Variants in PROM2 observed in about 807,000 individuals in gnomAD.
PROM2 encodes the protein prominin 2, also known as prominin-2.
Under a neutral mutation model 110.2 loss-of-function variants are expected in PROM2, and 90 were observed. The observed-to-expected ratio is 0.82, with a 90% CI of 0.69 to 0.97. The LOEUF (loss-of-function observed/expected upper bound fraction) is 0.97, where lower values mean the gene tolerates loss of function less well. PROM2 is among the 50% of genes least tolerant of loss of function. The pLI is 0.00. For missense variants in PROM2, 1,009 were observed against 1,074.8 expected (o/e 0.94, Z 0.86); for synonymous variants, 470 against 467.8 (o/e 1.00, Z -0.06).
rs201517106 is a variant in PROM2, at chr2:95,288,973, C to T, written c.2482C>T (p.Arg828Trp). The T allele has an allele frequency of 1.6e-5, 25 of 1,609,058 alleles. No homozygotes were observed. In the East Asian group the frequency reaches 1.6e-4, roughly 10 times the overall value. Reference protein sequence around the residue: ...SEETQLFHIPRVTSLKL With the variant: ...SEETQLFHIPWVTSLKL ...GGAGACTCAGCTCTTCCACATCCCCCGGGTTACCTCCCTGAAGCTGTAGGG... is the reference window on the plus strand; with the variant it reads ...GGAGACTCAGCTCTTCCACATCCCCTGGGTTACCTCCCTGAAGCTGTAGGG... Residue 828 changes from arginine (R) to tryptophan (W), a missense_variant, in exon 23 of 24, where the codon CGG becomes TGG. Coordinates refer to ENST00000317620, the MANE Select transcript of PROM2 (RefSeq NM_001165978.3).
rs1573463805 is a variant in PROM2 at position 95,287,537 on chromosome 2, C to T, written c.2244+73C>T. The T allele has an allele frequency of 2.7e-6, 4 of 1,499,746 alleles. No individual in the cohort carries two copies. The South Asian group carries it at 3.5e-5, about 13-fold the overall frequency. 92.9% of individuals were successfully genotyped at this position (1,499,746 alleles called of 1,614,324 possible). On this transcript the variant is annotated intron_variant, in intron 20 of 23. Coordinates refer to ENST00000317620, the MANE Select transcript of PROM2 (RefSeq NM_001165978.3). ...CAGCTGTTCACCCTGCTCTGCCCCG[C>T]CCCCGCCCCCGGAGCCCCTTGGGGG...
At chr2:95,284,591 C>T (rs1328319174) in intron 14 of PROM2, among the ~76,000 whole-genome samples, 2 of 152,192 alleles carry the variant, frequency 1.3e-5, no homozygotes, top group Non-Finnish European at 2.9e-5. Flanking sequence ...CACCGGCAGC[C>T]GTTTCTGGGG....
chr2:95,288,341 G>A (rs761232980), intron 21 of PROM2, 41 bp downstream of exon 21: 34 of 1,609,060 alleles, frequency 2.1e-5, no homozygotes, highest in East Asian at 4.5e-5. Context: ...ACCAAGTCCC[G>A]GAGCCTTCCT....
At position 95,285,675 on chromosome 2, in the gene PROM2, C is replaced by G; in HGVS notation, c.1912C>G (p.Leu638Val). Residue 638 changes from leucine (L) to valine (V), a missense_variant, in exon 16 of 24, where the codon CTG becomes GTG. Coordinates refer to ENST00000317620, the MANE Select transcript of PROM2 (RefSeq NM_001165978.3). ...CGTGGTGAAGACCAGCATGGAGCAG[C>G]TGGCCCAGGAGCTGCAAGGACTGGC... ...RPVVKTSMEQ[L>V]AQELQGLAQA... 2 of 1,604,802 alleles carry G rather than the reference C, an allele frequency of 1.2e-6. No homozygotes were observed. The highest frequency in any genetic ancestry group is 1.7e-6 in the Non-Finnish European group (2 of 1,175,464).
At position 95,288,915 on chromosome 2, in the gene PROM2, CTG is replaced by C; in HGVS notation, c.2442-16_2442-15del. On this transcript the variant is annotated splice_polypyrimidine_tract_variant and intron_variant, in intron 22 of 23. Transcript: ENST00000317620. ...CTGGGGGGAAGGGTATGCTCACTCT[CTG>C]TCTTTGACACTGCAGCTCCACCAGC... 6.2e-7 allele frequency: 1 copy of C among 1,612,970 alleles called. No homozygotes were observed. The highest frequency in any genetic ancestry group is 1.1e-5 in the South Asian group (1 of 91,048).
chr2:95,279,984 C>G lies in PROM2; in HGVS notation c.1414C>G (p.Arg472Gly), dbSNP rs761599343. 16 of 1,461,742 alleles carry G rather than the reference C, an allele frequency of 1.1e-5. No individual in the cohort carries two copies. The highest frequency in any genetic ancestry group is 1.3e-5 in the Non-Finnish European group (14 of 1,102,314). 90.5% of individuals were successfully genotyped at this position (1,461,742 alleles called of 1,614,324 possible). ...AGAAGCCAAGGGCGAGGCTGGAGCC[C>G]GCTTCCTCATGGCGTAAGAAAGGGC... ...HPEAKGEAGA[R>G]FLMAGVGLSF... The change falls in exon 11 of 24, where the codon CGC becomes GGC. Residue 472 changes from arginine (R) to glycine (G), a missense_variant. Arg to Gly is a moderately radical substitution (Grantham distance 125, BLOSUM62 -2). Transcript: ENST00000317620.
At chr2:95,288,646 C>A in intron 22 of PROM2, 57 bp downstream of exon 22, 1 of 1,451,464 alleles carries the variant, frequency 6.9e-7, no homozygotes, top group Non-Finnish European at 9.6e-7. Context: ...GTCCTTTCAG[C>A]CGCCAGGGTC....
At position 95,275,524 on chromosome 2, in the gene PROM2, G is replaced by T; in HGVS notation, c.294+14G>T. 1 of 1,613,694 alleles carries T rather than the reference G, an allele frequency of 6.2e-7. No homozygotes were observed. Among genetic ancestry groups the T allele is most frequent in the Non-Finnish European group, 8.5e-7 (1 of 1,179,796 alleles). Reference sequence around the variant, plus strand: ...AAGGTGAATGAGGTGAGCAAGCTGGGGAAAGGTGCTGGGGGAGGGAGTTCT... The same window carrying T: ...AAGGTGAATGAGGTGAGCAAGCTGGTGAAAGGTGCTGGGGGAGGGAGTTCT... On this transcript the variant is annotated intron_variant, in intron 2 of 23. Transcript: ENST00000317620. This position sits in a 1 kb window ranked among gnomAD's most constrained non-coding sequence, Gnocchi z 4.4.
intron 22 of PROM2, 44 bp from the exon 23 acceptor site, chr2:95,288,889 T>C (rs1212707319): frequency 6.3e-7 from 1 of 1,582,382 alleles, no homozygotes; most frequent in South Asian, 1.1e-5. Context: ...GGGCTGAGGG[T>C]CTGGGGGGAA....
chr2:95,274,852 A>T, intron 1 of PROM2, 23 bp downstream of exon 1: 1 of 1,510,948 alleles, frequency 6.6e-7, no homozygotes, highest in Admixed American at 2.0e-5. Flanking sequence ...CTCCCCCATG[A>T]GGGCCTCAGC....
Position 95,279,018 on chromosome 2 carries a change from G to C in PROM2, c.1148G>C (p.Gly383Ala). The C allele has an allele frequency of 1.2e-6, 2 of 1,611,234 alleles. No homozygotes were observed. Among genetic ancestry groups the C allele is most frequent in the Non-Finnish European group, 1.7e-6 (2 of 1,178,682 alleles). The change falls in exon 10 of 24, where the codon GGG becomes GCG. Residue 383 changes from glycine to alanine, a missense_variant. Gly to Ala is a moderately conservative substitution (Grantham distance 60). Coordinates refer to ENST00000317620, the MANE Select transcript of PROM2 (RefSeq NM_001165978.3). ...LKKAVAQQPE[G>A]VRTLAEGFPG... is the part of the protein sequence containing the mutation. ...AAGGCAGTGGCCCAGCAGCCGGAAG[G>C]GGTGAGGACACTGGCTGAAGGGTTC...
At chr2:95,277,688 G>T (rs1676757292) in intron 7 of PROM2, 122 bp downstream of exon 7, 1 of 1,021,702 alleles carries the variant, frequency 9.8e-7, no homozygotes, top group Non-Finnish European at 1.4e-6. Context: ...CCCACCCAGG[G>T]TTAATGCGGG....
In PROM2 at chr2:95,279,003, C is replaced by T. The variant is rs1406119490; in HGVS notation, c.1133C>T (p.Ala378Val). ...TGGGCAGAGCTGAAGAAGGCAGTGG[C>T]CCAGCAGCCGGAAGGGGTGAGGACA... ...SVVQELKKAVAQQPEGVRTLA... is the reference protein window; with the variant it reads ...SVVQELKKAVVQQPEGVRTLA... Residue 378 changes from alanine to valine, a missense_variant, in exon 10 of 24, where the codon GCC becomes GTC. Physicochemically the swap from Ala to Val is moderately conservative, Grantham distance 64. Transcript: ENST00000317620. The T allele has an allele frequency of 8.1e-6, 13 of 1,606,562 alleles. No homozygotes were observed. The highest frequency in any genetic ancestry group is 1.7e-5 in the Admixed American group (1 of 59,382).
intron 16 of PROM2, 136 bp downstream of exon 16, chr2:95,285,846 T>C (rs1573460683): frequency 1.3e-6 from 1 of 777,034 alleles, no homozygotes; most frequent in South Asian, 1.7e-5. Flanking sequence ...TCCTGACCCC[T>C]GGCTGGGCTG....
Position 95,286,483 on chromosome 2 carries a change from A to G in PROM2, c.1952A>G (p.Asn651Ser). ...CTGATTTTTGTATCCTTTCAGGACA[A>G]TTCTGTGCTGGGGCAGCGGCTGCAG... ...ELQGLAQAQD[N>S]SVLGQRLQEE... is the part of the protein sequence containing the mutation. Residue 651 changes from asparagine to serine, a missense_variant, in exon 17 of 24, where the codon AAT becomes AGT. Coordinates refer to ENST00000317620, the MANE Select transcript of PROM2 (RefSeq NM_001165978.3). 6.2e-7 allele frequency: 1 copy of G among 1,613,674 alleles called. No homozygotes were observed. The highest frequency in any genetic ancestry group is 2.2e-5 in the East Asian group (1 of 44,862).
chr2:95,284,630 G>A (rs1254852053), intron 14 of PROM2, among the ~76,000 whole-genome samples: 5 of 152,234 alleles, frequency 3.3e-5, no homozygotes, highest in African/African-American at 1.2e-4. Context: ...ACTCATGGCC[G>A]AAGGCCAAGG....
rs143235835 is a variant in PROM2 at position 95,279,951 on chromosome 2, A to G, written c.1381A>G (p.Ser461Gly). 847 of 1,519,456 alleles carry G rather than the reference A, an allele frequency of 5.6e-4. No individual in the cohort carries two copies. Among genetic ancestry groups the G allele is most frequent in the Non-Finnish European group, 7.2e-4 (817 of 1,131,442 alleles). 94.1% of individuals were successfully genotyped at this position (1,519,456 alleles called of 1,614,324 possible). A position where few individuals can be genotyped will look rare whatever the true frequency, so the allele number is the denominator to read the frequency against. Reference protein sequence around the residue: ...IWGLSARDDPSHPEAKGEAGA... With the variant: ...IWGLSARDDPGHPEAKGEAGA... ...GGGCCTGTCTGCCAGGGACGACCCC[A>G]GCCACCCAGAAGCCAAGGGCGAGGC... The change falls in exon 11 of 24, where the codon AGC (serine) becomes GGC (glycine). Residue 461 changes from serine (S) to glycine (G), a missense_variant. By Grantham distance (56) the Ser-to-Gly change is moderately conservative. Coordinates refer to ENST00000317620, the MANE Select transcript of PROM2 (RefSeq NM_001165978.3).
intron 10 of PROM2, among the ~76,000 whole-genome samples, chr2:95,279,386 T>G (rs979167865): frequency 6.6e-6 from 1 of 151,668 alleles, no homozygotes; most frequent in Admixed American, 6.6e-5. Context: ...AACCTCTGCC[T>G]CCCCGGTTCA....
In PROM2 at chr2:95,281,305, G is replaced by A. The variant is rs760429259; in HGVS notation, c.1491G>A (p.Leu497=). The A allele has an allele frequency of 6.2e-7, 1 of 1,613,484 alleles. No individual in the cohort carries two copies. Among genetic ancestry groups the A allele is most frequent in the Non-Finnish European group, 8.5e-7 (1 of 1,180,000 alleles). ...PLILLVFATF[L]VGGNVQTLVC... ...TCCTCCTGGTGTTCGCCACCTTCCT[G>A]GTGGGTGGCAACGTGCAGACGCTGG... is the stretch of plus-strand genomic sequence containing the variant. The change falls in exon 12 of 24, where the codon CTG becomes CTA. Residue 497 remains leucine (L), a synonymous_variant. Coordinates refer to ENST00000317620, the MANE Select transcript of PROM2 (RefSeq NM_001165978.3).
Sources: gnomAD v4.1 joint callset for allele counts (sites outside exome capture counted in the v4.1 genomes callset) on GRCh38, gnomAD v4.1.1 for gene constraint, Gnocchi (gnomAD v3.1) non-coding constraint, MANE v1.5 for transcripts, NCBI Gene and HGNC (gene_info 2026-07-23, HGNC 2026-07-21) for gene names.